KCNIP4: variants seen among roughly 807,000 people sequenced by gnomAD.
KCNIP4 encodes the protein potassium voltage-gated channel interacting protein 4.
KCNIP4 carries 12 observed loss-of-function variants against 34.0 expected under a neutral mutation model. The ratio of observed to expected loss-of-function variants is 0.35; its 90% CI spans 0.23 to 0.57. The LOEUF is 0.57. KCNIP4 is among the 20% of genes least tolerant of loss of function. The pLI is 0.83. For missense variants in KCNIP4, 238 were observed against 311.7 expected (o/e 0.76, Z 1.78); for synonymous variants, 124 against 102.2 (o/e 1.21, Z -1.29).
chr4:21,363,624 A>G (rs56044755), intron 1 of KCNIP4, among the ~76,000 whole-genome samples: 5,999 of 152,262 alleles, frequency 0.039, 130 homozygotes, highest in East Asian at 0.095. Context: ...GCAGTAAAAC[A>G]TAATTACTGA....
intron 3 of KCNIP4, among the ~76,000 whole-genome samples, chr4:20,765,283 T>A (rs1755297503): frequency 6.6e-6 from 1 of 152,134 alleles, no homozygotes; most frequent in Non-Finnish European, 1.5e-5. Context: ...TTTTCTTCTA[T>A]TAGGACTGAA....
At chr4:20,794,790 G>A (rs895818069) in intron 3 of KCNIP4, among the ~76,000 whole-genome samples, 4 of 152,212 alleles carry the variant, frequency 2.6e-5, no homozygotes, top group African/African-American at 4.8e-5. Context: ...GTGGCTTAGG[G>A]CATTCAGAGC....
intron 1 of KCNIP4, among the ~76,000 whole-genome samples, chr4:21,730,412 C>T (rs971583726): frequency 6.6e-6 from 1 of 152,066 alleles, no homozygotes; most frequent in Non-Finnish European, 1.5e-5. Flanking sequence ...ATGTATAGCC[C>T]AGTGTTGGTG....
At position 21,793,339 on chromosome 4, in the gene KCNIP4, C is replaced by A. The variant is rs560284030; in HGVS notation, c.61+155232G>T. Among the ~76,000 whole-genome samples, 63 of 152,246 alleles carry A rather than the reference C, an allele frequency of 4.1e-4. 1 individual carries two copies. In the South Asian group the frequency reaches 0.013, roughly 32 times the overall value. On this transcript the variant is annotated intron_variant, in intron 1 of 8. Coordinates refer to ENST00000382152, the MANE Select transcript of KCNIP4 (RefSeq NM_025221.6). ...ATCTCGGCTCACTGCAACCTTTCAA[C>A]CTCCACCTCCCAGCCTCAAGCAATT... is the stretch of plus-strand genomic sequence containing the variant.
intron 5 of KCNIP4, among the ~76,000 whole-genome samples, chr4:20,744,066 C>T (rs998025475): frequency 6.6e-6 from 1 of 152,122 alleles, no homozygotes; most frequent in African/African-American, 2.4e-5. Context: ...CAATGAGATA[C>T]CATCTCACAC....
chr4:21,550,911 C>G (rs1312298268), intron 1 of KCNIP4, among the ~76,000 whole-genome samples: 1 of 152,086 alleles, frequency 6.6e-6, no homozygotes, highest in African/African-American at 2.4e-5. Context: ...CCTCCTCTCT[C>G]CCCTTCCGTA....
chr4:20,889,781 A>AC (rs1304672616), intron 1 of KCNIP4, among the ~76,000 whole-genome samples: 1 of 151,562 alleles, frequency 6.6e-6, no homozygotes. Flanking sequence ...AAAAAAAAAA[A>AC]ACAAAATTAA....
intron 1 of KCNIP4, among the ~76,000 whole-genome samples, chr4:21,339,205 G>A (rs1292921207): frequency 2.6e-5 from 4 of 152,190 alleles, no homozygotes; most frequent in African/African-American, 9.7e-5. Context: ...CACTATGATA[G>A]CTCAGTGTTA....
Position 21,546,475 on chromosome 4 carries a change from A to C in KCNIP4, c.61+402096T>G, listed in dbSNP as rs140831317. Among the ~76,000 whole-genome samples, 430 of 152,278 alleles carry C rather than the reference A, an allele frequency of 2.8e-3. 3 individuals carry two copies. Among genetic ancestry groups the C allele is most frequent in the African/African-American group, 9.4e-3 (389 of 41,556 alleles). On this transcript the variant is annotated intron_variant, in intron 1 of 8. Coordinates refer to ENST00000382152, the MANE Select transcript of KCNIP4 (RefSeq NM_025221.6). ...ATGTAATTCGAAGAGAGAGAAACAG[A>C]AACTAACTTGCCATGAACCGAAAGA...
intron 1 of KCNIP4, among the ~76,000 whole-genome samples, chr4:21,055,357 T>C (rs908022319): frequency 1.3e-5 from 2 of 152,184 alleles, no homozygotes; most frequent in Admixed American, 6.5e-5. Context: ...GAAAACCTTT[T>C]GGCAGTTTCT....
intron 1 of KCNIP4, among the ~76,000 whole-genome samples, chr4:21,537,883 A>C (rs1211530442): frequency 6.6e-6 from 1 of 151,816 alleles, no homozygotes; most frequent in Non-Finnish European, 1.5e-5. Flanking sequence ...TTGGTGGCAC[A>C]TGCCTGTAAT....
At chr4:20,870,187 C>T (rs111525894) in intron 2 of KCNIP4, among the ~76,000 whole-genome samples, 1,895 of 152,030 alleles carry the variant, frequency 0.012, 46 homozygotes, top group African/African-American at 0.043. Flanking sequence ...ATTGTAATTC[C>T]CAGTGTTGGG....
intron 1 of KCNIP4, among the ~76,000 whole-genome samples, chr4:20,913,362 T>C (rs1318913576): frequency 6.6e-6 from 1 of 152,136 alleles, no homozygotes; most frequent in Non-Finnish European, 1.5e-5. Flanking sequence ...AGCTGATGAA[T>C]GTTAGCCAGG....
chr4:21,041,350 C>A (rs181601173), intron 1 of KCNIP4, among the ~76,000 whole-genome samples: 1 of 152,198 alleles, frequency 6.6e-6, no homozygotes, highest in Admixed American at 6.5e-5. Context: ...AAAACTGGCA[C>A]AAGTATTGTG....
chr4:21,463,242 T>C (rs1328331521), intron 1 of KCNIP4, among the ~76,000 whole-genome samples: 1 of 152,190 alleles, frequency 6.6e-6, no homozygotes, highest in Non-Finnish European at 1.5e-5. Context: ...CATTGTGTTT[T>C]GATTTGCATT....
At chr4:20,861,622 A>G (rs1722203750) in intron 2 of KCNIP4, among the ~76,000 whole-genome samples, 1 of 152,220 alleles carries the variant, frequency 6.6e-6, no homozygotes, top group Non-Finnish European at 1.5e-5. Flanking sequence ...ATATTTGTAT[A>G]TCATATTGAA....
At chr4:21,326,205 TA>T (rs1715018761) in intron 1 of KCNIP4, among the ~76,000 whole-genome samples, 1 of 151,776 alleles carries the variant, frequency 6.6e-6, no homozygotes, top group Admixed American at 6.6e-5. Flanking sequence ...CTCCAGCTAT[TA>T]CATTATTGTA....
At chr4:21,068,278 T>C (rs1190776885) in intron 1 of KCNIP4, among the ~76,000 whole-genome samples, 1 of 152,204 alleles carries the variant, frequency 6.6e-6, no homozygotes, top group African/African-American at 2.4e-5. Flanking sequence ...GACGTGGTCG[T>C]CCTGCTTCCC....
rs542992999 is a variant in KCNIP4 at position 21,621,803 on chromosome 4, A to G, written c.61+326768T>C. Among the ~76,000 whole-genome samples the G allele has an allele frequency of 4.6e-5, 7 of 152,266 alleles. No individual in the cohort carries two copies. The East Asian group carries it at 1.4e-3, about 29-fold the overall frequency. On this transcript the variant is annotated intron_variant, in intron 1 of 8. Transcript: ENST00000382152. Reference sequence around the variant, plus strand: ...GAGGTACATTATATAAAAGAAATTGATATTTGATTCACCTATTGTTAATAC... The same window carrying G: ...GAGGTACATTATATAAAAGAAATTGGTATTTGATTCACCTATTGTTAATAC...
Sources: gnomAD v4.1 joint callset for allele counts (sites outside exome capture counted in the v4.1 genomes callset) on GRCh38, gnomAD v4.1.1 for gene constraint, MANE v1.5 for transcripts, NCBI Gene and HGNC (gene_info 2026-07-23, HGNC 2026-07-21) for gene names.